The following CACNA1H variants were observed in gnomAD, a reference collection of about 807,000 sequenced individuals.
CACNA1H encodes the protein voltage-dependent T-type calcium channel subunit alpha-1H.
In CACNA1H, 149 loss-of-function variants were observed where a neutral mutation model predicts 192.5. The ratio of observed to expected loss-of-function variants is 0.77; its 90% CI spans 0.68 to 0.89. CACNA1H has a LOEUF of 0.89. Among genes scored for constraint, CACNA1H ranks in the 40% least tolerant of loss-of-function variants. CACNA1H has a pLI of 0.00. For missense variants in CACNA1H, 4,257 were observed against 3,423.5 expected (o/e 1.24, Z -6.08); for synonymous variants, 2,202 against 1,475.2 (o/e 1.49, Z -11.29).
intron 2 of CACNA1H, among the ~76,000 whole-genome samples, chr16:1,166,444 CTGT>C (rs1267329599): frequency 6.6e-6 from 1 of 152,242 alleles, no homozygotes; most frequent in Non-Finnish European, 1.5e-5. Flanking sequence ...CAACTCATTC[CTGT>C]TGTTGGTCTT....
rs79939281 is a variant in CACNA1H, at chr16:1,203,060, C to T, written c.2002+608C>T. Among the ~76,000 whole-genome samples the T allele has an allele frequency of 8.3e-3, 1,266 of 152,234 alleles. 16 individuals are homozygous for T. The highest frequency in any genetic ancestry group is 0.029 in the African/African-American group (1,184 of 41,534). On this transcript the variant is annotated intron_variant, in intron 9 of 34. Transcript: ENST00000348261. ...CTGGTTCTGTACACAGATGTAGAGACGCAGGCGGGGGTGTGTCCCCCGTGG... is the reference window on the plus strand; with the variant it reads ...CTGGTTCTGTACACAGATGTAGAGATGCAGGCGGGGGTGTGTCCCCCGTGG...
At position 1,177,619 on chromosome 16, in the gene CACNA1H, A is replaced by G. The variant is rs555871179; in HGVS notation, c.300-17353A>G. 9.9e-5 allele frequency among the ~76,000 whole-genome samples: 15 copies of G among 152,090 alleles called. No individual in the cohort carries two copies. In the East Asian group the frequency reaches 2.7e-3, roughly 27 times the overall value. The stretch of plus-strand genomic sequence containing the variant: ...GGCGTCCTAGTGTGCTTGGGCTGTG[A>G]CAGAAATTCTGAGGACGTGGTGGCC... On this transcript the variant is annotated intron_variant, in intron 2 of 34. Coordinates refer to ENST00000348261, the MANE Select transcript of CACNA1H (RefSeq NM_021098.3).
At chr16:1,155,803 T>C (rs1162871766) in intron 2 of CACNA1H, among the ~76,000 whole-genome samples, 1 of 152,086 alleles carries the variant, frequency 6.6e-6, no homozygotes, top group Admixed American at 6.6e-5. Context: ...GGGAAGGTGT[T>C]GGCTGGGTGG....
intron 2 of CACNA1H, among the ~76,000 whole-genome samples, chr16:1,181,262 G>A (rs750457265): frequency 2.1e-4 from 32 of 152,254 alleles, no homozygotes; most frequent in Non-Finnish European, 4.4e-4. Flanking sequence ...GAGGCCAGAG[G>A]AGAGGAGCTC....
chr16:1,211,037 T>TA, intron 21 of CACNA1H, 66 bp downstream of exon 21: 1 of 1,555,610 alleles, frequency 6.4e-7, no homozygotes, highest in Non-Finnish European at 8.7e-7. Context: ...CACTGCCCAT[T>TA]ACTCCTCCCG....
At chr16:1,164,898 C>T (rs1014237129) in intron 2 of CACNA1H, among the ~76,000 whole-genome samples, 109 of 152,196 alleles carry the variant, frequency 7.2e-4, no homozygotes, top group African/African-American at 2.4e-3. Flanking sequence ...GGGGGTGGGT[C>T]GAGTCGCCCC....
At chr16:1,168,701 C>T (rs910803564) in intron 2 of CACNA1H, among the ~76,000 whole-genome samples, 1 of 152,128 alleles carries the variant, frequency 6.6e-6, no homozygotes, top group African/African-American at 2.4e-5. Flanking sequence ...TCATTGCCCT[C>T]CAGACCCTTC....
rs763018232 is a variant in CACNA1H at position 1,219,026 on chromosome 16, C to A, written c.5944C>A (p.Pro1982Thr). 4.5e-6 allele frequency: 7 copies of A among 1,550,138 alleles called. No individual in the cohort carries two copies. The African/African-American group carries it at 6.8e-5, about 15-fold the overall frequency. The change falls in exon 34 of 35, where the codon CCA becomes ACA. Residue 1982 changes from proline (P) to threonine (T), a missense_variant. Transcript: ENST00000348261. The part of the protein sequence containing the change: ...PAESCASLQI[P>T]LAVSSPARSG... Reference sequence around the variant, plus strand: ...AGAGTCCTGTGCCTCCCTCCAGATCCCATTGGCTGTGTCGTCCCCAGCCAG... The same window carrying A: ...AGAGTCCTGTGCCTCCCTCCAGATCACATTGGCTGTGTCGTCCCCAGCCAG...
At chr16:1,216,714 C>G (rs1399370028) in intron 30 of CACNA1H, among the ~76,000 whole-genome samples, 1 of 152,206 alleles carries the variant, frequency 6.6e-6, no homozygotes, top group Non-Finnish European at 1.5e-5. Context: ...TGGGCTCTGT[C>G]TACCTGGTGA....
rs551581496 is a variant in CACNA1H at position 1,200,797 on chromosome 16, C to G, written c.1201C>G (p.Leu401Val). Reference sequence around the variant, plus strand: ...ATTCTACAACTTCATCTATTTCATCCTGCTCATCATCGTGAGTGTGGGCGG... The same window carrying G: ...ATTCTACAACTTCATCTATTTCATCGTGCTCATCATCGTGAGTGTGGGCGG... The part of the protein sequence containing the change: ...HSFYNFIYFI[L>V]LIIVGSFFMI... The change falls in exon 8 of 35, where the codon CTG becomes GTG. Residue 401 changes from leucine (L) to valine (V), a missense_variant. By Grantham distance (32) the Leu-to-Val change is conservative. Coordinates refer to ENST00000348261, the MANE Select transcript of CACNA1H (RefSeq NM_021098.3). The G allele has an allele frequency of 1.3e-6, 2 of 1,551,808 alleles. No homozygotes were observed. The highest frequency in any genetic ancestry group is 1.4e-5 in the African/African-American group (1 of 73,180).
At position 1,202,215 on chromosome 16, in the gene CACNA1H, G is replaced by A. The variant is rs769240762; in HGVS notation, c.1765G>A (p.Ala589Thr). 15 of 1,553,300 alleles carry A rather than the reference G, an allele frequency of 9.7e-6. No individual in the cohort carries two copies. Among genetic ancestry groups the A allele is most frequent in the Admixed American group, 1.9e-5 (1 of 51,384 alleles). Residue 589 changes from alanine to threonine, a missense_variant, in exon 9 of 35, where the codon GCC becomes ACC. By Grantham distance (58) the Ala-to-Thr change is moderately conservative. Coordinates refer to ENST00000348261, the MANE Select transcript of CACNA1H (RefSeq NM_021098.3). ...DCHIEGPQER[A>T]RVAHAAATAA... ...CCACATAGAGGGGCCGCAGGAGAGG[G>A]CCCGGGTGGCACATGCCGCAGCCAC...
Position 1,215,560 on chromosome 16 carries a change from C to T in CACNA1H, c.5211C>T (p.Ala1737=), listed in dbSNP as rs376540095. 9.9e-6 allele frequency: 16 copies of T among 1,611,810 alleles called. No homozygotes were observed. Among genetic ancestry groups the T allele is most frequent in the African/African-American group, 1.3e-5 (1 of 74,920 alleles). The stretch of plus-strand genomic sequence containing the variant: ...TGAAGATGGCTACGGGCATGCGCGC[C>T]CTGCTGGACACTGTGGTGCAAGCTC... ...KLLKMATGMR[A]LLDTVVQALP... The change falls in exon 30 of 35, where the codon GCC becomes GCT. Residue 1737 remains alanine (A), a synonymous_variant. Transcript: ENST00000348261.
chr16:1,207,496 A>T, intron 14 of CACNA1H, 66 bp downstream of exon 14: 4 of 1,486,960 alleles, frequency 2.7e-6, no homozygotes, highest in African/African-American at 1.4e-5. Flanking sequence ...CTTCAGGTCG[A>T]GGGGAGGGGT....
chr16:1,213,960 AGGGGCT>A, intron 27 of CACNA1H, 29 bp downstream of exon 27: 1 of 1,582,572 alleles, frequency 6.3e-7, no homozygotes, highest in Non-Finnish European at 8.6e-7. Context: ...CGAGGGGCCC[AGGGGCT>A]GGGGCACCCC....
In CACNA1H at chr16:1,218,970, G is replaced by C. The variant is rs1367061803; in HGVS notation, c.5888G>C (p.Gly1963Ala). The C allele has an allele frequency of 6.5e-6, 10 of 1,549,998 alleles. No homozygotes were observed. Among genetic ancestry groups the C allele is most frequent in the Non-Finnish European group, 8.7e-6 (10 of 1,146,876 alleles). The stretch of plus-strand genomic sequence containing the variant: ...CAGCTTAGATTCTTCCCTGCCCCAG[G>C]CTCCGTTGCCTCTGTGCACTCTCCG... Reference protein sequence around the residue: ...METYGAGTPLGSVASVHSPPA... With the variant: ...METYGAGTPLASVASVHSPPA... The change falls in exon 34 of 35, where the codon GGC becomes GCC. Residue 1963 changes from glycine to alanine, a missense_variant and splice_region_variant. Gly to Ala is a moderately conservative substitution (Grantham distance 60, BLOSUM62 0). Coordinates refer to ENST00000348261, the MANE Select transcript of CACNA1H (RefSeq NM_021098.3).
chr16:1,184,942 CACGGGTTAGCG>C (rs1260762465), intron 2 of CACNA1H, among the ~76,000 whole-genome samples: 3 of 152,282 alleles, frequency 2.0e-5, no homozygotes, highest in East Asian at 1.9e-4. Flanking sequence ...TTTTAAAGCG[CACGGGTTAGCG>C]ACCTTCGTGT....
intron 2 of CACNA1H, among the ~76,000 whole-genome samples, chr16:1,188,888 C>T (rs544719531): frequency 6.6e-6 from 1 of 152,322 alleles, no homozygotes; most frequent in African/African-American, 2.4e-5. Context: ...GCACCATGGA[C>T]AGCAGCCGCT....
chr16:1,200,305 G>A lies in CACNA1H; in HGVS notation c.853G>A (p.Glu285Lys), dbSNP rs773167797. The change falls in exon 7 of 35, where the codon GAG (glutamate) becomes AAG (lysine). Residue 285 changes from glutamate (E) to lysine (K), a missense_variant. By Grantham distance (56) the Glu-to-Lys change is moderately conservative. Transcript: ENST00000348261. ...LRPYYQTEEG[E>K]ENPFICSSRR... ...GCCGTACTACCAGACGGAGGAGGGC[G>A]AGGAGAACCCGTTCATCTGCTCCTC... 1.1e-5 allele frequency: 17 copies of A among 1,606,460 alleles called. No homozygotes were observed. The highest frequency in any genetic ancestry group is 6.7e-5 in the Admixed American group (4 of 59,332).
In CACNA1H at chr16:1,186,643, G is replaced by A. The variant is rs552419484; in HGVS notation, c.300-8329G>A. Among the ~76,000 whole-genome samples the A allele has an allele frequency of 5.3e-5, 8 of 152,230 alleles. 1 individual carries two copies. The South Asian group carries it at 1.0e-3, about 20-fold the overall frequency. Reference sequence around the variant, plus strand: ...TCGTGAATGTGGTCACGTGTCCTCCGTGACTCGCTCCTCCTGCCCCGTGTG... The same window carrying A: ...TCGTGAATGTGGTCACGTGTCCTCCATGACTCGCTCCTCCTGCCCCGTGTG... On this transcript the variant is annotated intron_variant, in intron 2 of 34. Transcript: ENST00000348261.
Sources: allele counts gnomAD v4.1 joint callset (sites outside exome capture counted in the v4.1 genomes callset), GRCh38; gene constraint gnomAD v4.1.1; transcripts MANE v1.5; gene names NCBI Gene and HGNC (gene_info 2026-07-23, HGNC 2026-07-21).